The following ZNF177 variants were observed in gnomAD, a reference collection of about 807,000 sequenced individuals.
The protein encoded by ZNF177 is zinc finger protein 177.
Under a neutral mutation model 19.4 loss-of-function variants are expected in ZNF177, and 17 were observed. The observed-to-expected ratio is 0.87, with a 90% CI of 0.60 to 1.31. The LOEUF (loss-of-function observed/expected upper bound fraction) is 1.31. ZNF177 is among the 40% of genes most tolerant of loss of function. The pLI is 0.00. For synonymous variants in ZNF177, 220 were observed against 188.7 expected, an observed-to-expected ratio of 1.17 and a Z score of -1.36; for missense variants, 633 against 561.8, an observed-to-expected ratio of 1.13 and a Z score of -1.28.
intron 2 of ZNF177, among the ~76,000 whole-genome samples, chr19:9,366,474 C>G (rs996187176): frequency 6.6e-6 from 1 of 152,036 alleles, no homozygotes; most frequent in Non-Finnish European, 1.5e-5. Flanking sequence ...CCAGGCTGGT[C>G]TGAACTCCTG....
At chr19:9,367,828 T>C (rs1599383753) in intron 2 of ZNF177, among the ~76,000 whole-genome samples, 4 of 152,354 alleles carry the variant, frequency 2.6e-5, no homozygotes, top group Admixed American at 2.0e-4. Flanking sequence ...ACATGACATT[T>C]TGAACCATAC....
At chr19:9,363,857 C>A (rs954044167) in intron 1 of ZNF177, among the ~76,000 whole-genome samples, 2 of 152,170 alleles carry the variant, frequency 1.3e-5, no homozygotes, top group Non-Finnish European at 2.9e-5. Context: ...ACTGCCCTGC[C>A]TACGACCTCC....
At chr19:9,368,041 CTTT>C (rs1483493834) in intron 2 of ZNF177, among the ~76,000 whole-genome samples, 1 of 152,158 alleles carries the variant, frequency 6.6e-6, no homozygotes, top group Admixed American at 6.5e-5. Context: ...ATTCTTTCTT[CTTT>C]GAGTGGCATA....
chr19:9,378,850 C>A, intron 2 of ZNF177, 112 bp from the exon 5 acceptor site: 1 of 1,420,198 alleles, frequency 7.0e-7, no homozygotes, highest in South Asian at 1.8e-5. Flanking sequence ...CATGTCTGAG[C>A]TTCCAGTGCC....
At chr19:9,369,164 TAGA>T (rs2068016726) in intron 2 of ZNF177, among the ~76,000 whole-genome samples, 3 of 152,128 alleles carry the variant, frequency 2.0e-5, no homozygotes, top group Admixed American at 1.3e-4. Context: ...CTCAGTGTGC[TAGA>T]TTAAGCATAC....
chr19:9,379,430 A>T, intron 3 of ZNF177, 97 bp from the exon 6 acceptor site: 1 of 1,437,304 alleles, frequency 7.0e-7, no homozygotes, highest in Non-Finnish European at 9.3e-7. Flanking sequence ...TGACTATTTT[A>T]ATAATCCTTT....
At chr19:9,381,313 A>T in exon 6 of ZNF177, 1 of 1,614,088 alleles carries the variant, frequency 6.2e-7, no homozygotes, top group Middle Eastern at 1.6e-4. Flanking sequence ...CTCTCATCTG[A>T]ATGTGCACAA....
At chr19:9,378,478 G>C in intron 2 of ZNF177, 134 bp downstream of exon 4, 1 of 1,355,432 alleles carries the variant, frequency 7.4e-7, no homozygotes, top group Non-Finnish European at 1.0e-6. Context: ...GCTGCTTCAT[G>C]TGGAAGAGGG....
upstream of ZNF177, among the ~76,000 whole-genome samples, chr19:9,373,752 G>T (rs2068076416): frequency 6.6e-6 from 1 of 152,072 alleles, no homozygotes; most frequent in Non-Finnish European, 1.5e-5. Flanking sequence ...TTGGAAAACT[G>T]TCTATTTAGA....
At chr19:9,366,456 CTG>C (rs1039661651) in intron 2 of ZNF177, among the ~76,000 whole-genome samples, 5 of 152,082 alleles carry the variant, frequency 3.3e-5, no homozygotes, top group Non-Finnish European at 5.9e-5. Context: ...TGAGATCTCA[CTG>C]TGTTACCAGG....
chr19:9,380,429 A>G (rs1347753672), intron 5 of ZNF177, among the ~76,000 whole-genome samples: 1 of 152,248 alleles, frequency 6.6e-6, no homozygotes, highest in African/African-American at 2.4e-5. Context: ...TCAGTATTAG[A>G]AAAACTGTAT....
chr19:9,371,987 A>G (rs1398457870), upstream of ZNF177, among the ~76,000 whole-genome samples: 1 of 152,200 alleles, frequency 6.6e-6, no homozygotes. Context: ...TAATATCCAA[A>G]GTGTTATGCT....
chr19:9,380,081 A>G, exon 5 of ZNF177: 1 of 1,612,112 alleles, frequency 6.2e-7, no homozygotes, highest in Non-Finnish European at 8.5e-7. Flanking sequence ...CTTAAACCAA[A>G]AGATACAATT....
chr19:9,379,691 A>G, intron 4 of ZNF177, 72 bp downstream of exon 6: 1 of 1,516,556 alleles, frequency 6.6e-7, no homozygotes, highest in Non-Finnish European at 8.9e-7. Context: ...TCACTCAGTG[A>G]AGGAAAAGAA....
chr19:9,367,602 C>G (rs2067997465), intron 2 of ZNF177, among the ~76,000 whole-genome samples: 1 of 152,114 alleles, frequency 6.6e-6, no homozygotes, highest in African/African-American at 2.4e-5. Context: ...ATATCTGAAT[C>G]TATGTTGAAA....
chr19:9,379,033 A>C (rs775359895), exon 3 of ZNF177: 2 of 1,611,376 alleles, frequency 1.2e-6, no homozygotes, highest in African/African-American at 2.7e-5. Context: ...ACCCTGCTCA[A>C]AAAAATCTAT....
intron 1 of ZNF177, among the ~76,000 whole-genome samples, chr19:9,364,501 C>T (rs1380057299): frequency 2.0e-5 from 3 of 151,938 alleles, no homozygotes; most frequent in Non-Finnish European, 4.4e-5. Flanking sequence ...CTCTTTTTGT[C>T]GTGTCGGTGT....
At chr19:9,380,103 C>G in exon 5 of ZNF177, 1 of 1,612,016 alleles carries the variant, frequency 6.2e-7, no homozygotes, top group Non-Finnish European at 8.5e-7. Context: ...CTATGCAGAA[C>G]ATTCCTGGGG....
At chr19:9,363,305 T>C (rs2067930376) in intron 1 of ZNF177, 4 of 152,296 alleles carry the variant, frequency 2.6e-5, no homozygotes, top group African/African-American at 4.8e-5. Context: ...AGTGGGTTCA[T>C]GTGGTCAGAG....
Sources: gnomAD v4.1 joint callset for allele counts (sites outside exome capture counted in the v4.1 genomes callset) on GRCh38, gnomAD v4.1.1 for gene constraint, MANE v1.5 for transcripts, NCBI Gene and HGNC (gene_info 2026-07-23, HGNC 2026-07-21) for gene names.